The following TRPM1 variants were observed in gnomAD, a reference collection of about 807,000 sequenced individuals.
The protein encoded by TRPM1 is TRPM1-203 APA Isoform, Intron 10.
TRPM1 carries 113 observed loss-of-function variants against 149.4 expected under a neutral mutation model. The ratio of observed to expected loss-of-function variants is 0.76; its 90% CI spans 0.65 to 0.88. The LOEUF (loss-of-function observed/expected upper bound fraction) is 0.88. TRPM1 is among the 40% of genes least tolerant of loss of function. The pLI is 0.00. For missense variants in TRPM1, 1,976 were observed against 2,038.7 expected (o/e 0.97, Z 0.59); for synonymous variants, 741 against 759.5 (o/e 0.98, Z 0.40).
chr15:31,065,545 T>C (rs2034349710), intron 7 of TRPM1, among the ~76,000 whole-genome samples: 1 of 152,188 alleles, frequency 6.6e-6, no homozygotes, highest in Admixed American at 6.5e-5. Flanking sequence ...ACCTCAGCTT[T>C]CGTCTGACAG....
At chr15:31,059,002 G>A (rs995468734) in intron 11 of TRPM1, among the ~76,000 whole-genome samples, 9 of 152,286 alleles carry the variant, frequency 5.9e-5, no homozygotes, top group African/African-American at 2.2e-4. Context: ...AGAATCGCTT[G>A]AATCCGGGAT....
chr15:31,078,684 T>TTCCCGTCTGTTTCGCACTTC (rs1409151644), intron 2 of TRPM1, among the ~76,000 whole-genome samples: 1 of 152,202 alleles, frequency 6.6e-6, no homozygotes, highest in African/African-American at 2.4e-5. Flanking sequence ...TTTTGCACTT[T>TTCCCGTCTGTTTCGCACTTC]TCCCGTCTGT....
chr15:31,038,923 A>C (rs1226735901), intron 18 of TRPM1, among the ~76,000 whole-genome samples: 2 of 151,684 alleles, frequency 1.3e-5, no homozygotes, highest in Admixed American at 6.6e-5. Flanking sequence ...AAGGACTAAC[A>C]TGGGCTCGGC....
At chr15:31,049,073 G>A (rs1004098742) in intron 13 of TRPM1, among the ~76,000 whole-genome samples, 7 of 152,128 alleles carry the variant, frequency 4.6e-5, no homozygotes, top group Non-Finnish European at 8.8e-5. Context: ...ATTTCACTCT[G>A]CTAATGGCTT....
intron 22 of TRPM1, 150 bp downstream of exon 22, chr15:31,032,537 CTG>C: frequency 1.1e-6 from 1 of 875,480 alleles, no homozygotes; most frequent in South Asian, 1.5e-5. Flanking sequence ...TGTAGGAGAA[CTG>C]TGTATCTTAA....
At chr15:31,142,739 G>C (rs56292023) in intron 1 of TRPM1, among the ~76,000 whole-genome samples, 6,096 of 152,010 alleles carry the variant, frequency 0.04, 150 homozygotes, top group South Asian at 0.061. Flanking sequence ...CTAACTTTTG[G>C]ACACTCCAGA....
intron 1 of TRPM1, among the ~76,000 whole-genome samples, chr15:31,113,137 G>C (rs571977208): frequency 6.6e-5 from 10 of 152,182 alleles, no homozygotes; most frequent in East Asian, 5.9e-4. Flanking sequence ...ACCTCTCACT[G>C]TGTCTTCTGC....
intron 1 of TRPM1, among the ~76,000 whole-genome samples, chr15:31,116,306 C>T (rs1391562288): frequency 6.6e-6 from 1 of 152,122 alleles, no homozygotes; most frequent in Non-Finnish European, 1.5e-5. Context: ...AGGCTGAAGT[C>T]TAATTACAGC....
At chr15:31,049,328 T>C (rs1386094635) in intron 13 of TRPM1, 47 bp downstream of exon 13, 1 of 1,613,606 alleles carries the variant, frequency 6.2e-7, no homozygotes, top group Admixed American at 1.7e-5. Flanking sequence ...GACAAACACA[T>C]TTAGGTGGCT....
intron 1 of TRPM1, among the ~76,000 whole-genome samples, chr15:31,119,408 G>T (rs1281566739): frequency 1.3e-5 from 2 of 152,096 alleles, no homozygotes; most frequent in African/African-American, 4.8e-5. Flanking sequence ...TGTATCCAGA[G>T]AAATTATCCT....
chr15:31,007,652 G>GCAGCAA (rs2032043836), intron 27 of TRPM1, among the ~76,000 whole-genome samples: 2 of 139,910 alleles, frequency 1.4e-5, no homozygotes, highest in African/African-American at 5.7e-5. Flanking sequence ...CAGCAGCGCA[G>GCAGCAA]CAACAACAAC....
intron 1 of TRPM1, among the ~76,000 whole-genome samples, chr15:31,089,776 A>T (rs552687452): frequency 2.6e-5 from 4 of 152,136 alleles, no homozygotes; most frequent in Non-Finnish European, 4.4e-5. Context: ...TTTCCTCAAC[A>T]TGGTGTCCCC....
At chr15:31,101,747 C>T (rs1307580860), upstream of TRPM1, 2 of 985,000 alleles carry the variant, frequency 2.0e-6, no homozygotes, top group African/African-American at 1.7e-5. Context: ...GAGGGCCCAC[C>T]CTTTAAGAGG....
intron 1 of TRPM1, among the ~76,000 whole-genome samples, chr15:31,113,517 A>C (rs759347122): frequency 6.6e-6 from 1 of 152,082 alleles, no homozygotes; most frequent in East Asian, 1.9e-4. Flanking sequence ...AATTTTCCAA[A>C]CTGTCAAAAA....
chr15:31,058,895 G>A (rs1045930341), intron 11 of TRPM1, among the ~76,000 whole-genome samples: 1 of 152,080 alleles, frequency 6.6e-6, no homozygotes, highest in Non-Finnish European at 1.5e-5. Flanking sequence ...CAGCCTGGCC[G>A]ACATGGTGAA....
chr15:31,033,018 CTGA>C, intron 21 of TRPM1, 78 bp from the exon 22 acceptor site: 1 of 1,593,438 alleles, frequency 6.3e-7, no homozygotes, highest in Non-Finnish European at 8.6e-7. Flanking sequence ...AACAATAAGA[CTGA>C]TGGAACATTC....
intron 1 of TRPM1, among the ~76,000 whole-genome samples, chr15:31,084,139 C>A (rs2034935810): frequency 6.6e-6 from 1 of 152,134 alleles, no homozygotes; most frequent in Non-Finnish European, 1.5e-5. Flanking sequence ...GACTAGAGTC[C>A]AGGAAACAGA....
Position 31,108,309 on chromosome 15 carries a change from T to C in TRPM1, c.55-31325A>G, listed in dbSNP as rs561235334. On this transcript the variant is annotated intron_variant, in intron 1 of 26. Coordinates refer to the TRPM1 transcript ENST00000542188. ...TAGAGAATGGTCCATGTGCACATGA[T>C]AAGAATGTGTATTTTGTTGTTGGGT... Among the ~76,000 whole-genome samples, 17 of 152,332 alleles carry C rather than the reference T, an allele frequency of 1.1e-4. No homozygotes were observed. In the East Asian group the frequency reaches 2.9e-3, roughly 26 times the overall value.
At chr15:31,021,398 C>T (rs1036283103) in intron 27 of TRPM1, among the ~76,000 whole-genome samples, 9 of 152,148 alleles carry the variant, frequency 5.9e-5, no homozygotes, top group Non-Finnish European at 8.8e-5. Context: ...TCCCATCAAG[C>T]CTGCAGGCAA....
Sources: gnomAD v4.1 joint callset for allele counts (sites outside exome capture counted in the v4.1 genomes callset) on GRCh38, gnomAD v4.1.1 for gene constraint, MANE v1.5 for transcripts, NCBI Gene and HGNC (gene_info 2026-07-23, HGNC 2026-07-21) for gene names.